MINAR1: variants seen among roughly 807,000 people sequenced by gnomAD.
The protein encoded by MINAR1 is membrane integral NOTCH2 associated receptor 1.
A neutral mutation model predicts 65.1 loss-of-function variants in MINAR1; 40 were observed. The ratio of observed to expected loss-of-function variants is 0.61; its 90% CI spans 0.48 to 0.80. The LOEUF (loss-of-function observed/expected upper bound fraction) is 0.80. Among genes scored for constraint, MINAR1 ranks in the 30% least tolerant of loss-of-function variants. The probability of loss-of-function intolerance (pLI) is 0.00; values close to 1 mark genes in which losing one functional copy is unlikely to be tolerated. For missense variants in MINAR1, 1,128 were observed against 1,148.0 expected (o/e 0.98, Z 0.25); for synonymous variants, 482 against 449.1 (o/e 1.07, Z -0.93).
chr15:79,448,599 G>A (rs115459459), intron 1 of MINAR1, among the ~76,000 whole-genome samples: 2,743 of 152,296 alleles, frequency 0.018, 66 homozygotes, highest in East Asian at 0.11. Flanking sequence ...GTGTGCTTTC[G>A]TGAGCGTGAA....
At chr15:79,467,424 C>T (rs1263798055) in intron 3 of MINAR1, among the ~76,000 whole-genome samples, 1 of 152,202 alleles carries the variant, frequency 6.6e-6, no homozygotes, top group Non-Finnish European at 1.5e-5. Flanking sequence ...TAGATTATAA[C>T]TGTCAACGTG....
At chr15:79,459,007 T>C (rs1375013909) in intron 2 of MINAR1, among the ~76,000 whole-genome samples, 1 of 151,894 alleles carries the variant, frequency 6.6e-6, no homozygotes, top group Non-Finnish European at 1.5e-5. Context: ...TGAAACCCCA[T>C]CTCTACTAAA....
the MINAR1 span, chr15:79,412,727 T>A: frequency 1.3e-5 from 2 of 152,368 alleles, no homozygotes; most frequent in Non-Finnish European, 2.9e-5. Context: ...CCTGCTGCGC[T>A]GCCACTGCCA....
the MINAR1 span, chr15:79,413,379 G>A: frequency 6.6e-6 from 1 of 152,266 alleles, no homozygotes; most frequent in Non-Finnish European, 1.5e-5. Flanking sequence ...TCATCAAGGA[G>A]TGTGCCACAT....
At position 79,468,270 on chromosome 15, in the gene MINAR1, T is replaced by C; in HGVS notation, c.2637T>C (p.Arg879=). 6.2e-7 allele frequency: 1 copy of C among 1,614,058 alleles called. No individual in the cohort carries two copies. The change falls in exon 4 of 4, where the codon CGT becomes CGC. Residue 879 remains arginine (R), a synonymous_variant. Transcript: ENST00000305428. ...YTPGYDSLLK[R]KEAEFRRAKV... ...CAGGATACGATTCATTACTAAAACG[T>C]AAAGAAGCCGAATTCAGACGAGCCA...
the MINAR1 span, chr15:79,420,683 C>T: frequency 6.6e-6 from 1 of 152,170 alleles, no homozygotes; most frequent in African/African-American, 2.4e-5. Context: ...ACAAACTCAC[C>T]TGAAAAGGAC....
upstream of MINAR1, among the ~76,000 whole-genome samples, chr15:79,429,424 A>G (rs1894389576): frequency 6.6e-6 from 1 of 152,244 alleles, no homozygotes; most frequent in South Asian, 2.1e-4. Context: ...TTCACATTCC[A>G]AACTCAAGGC....
At position 79,457,378 on chromosome 15, in the gene MINAR1, C is replaced by G. The variant is rs148542288; in HGVS notation, c.1231C>G (p.Arg411Gly). The change falls in exon 2 of 4, where the codon CGC becomes GGC. Residue 411 changes from arginine to glycine, a missense_variant. Coordinates refer to ENST00000305428, the MANE Select transcript of MINAR1 (RefSeq NM_015206.3). ...CCCCAATTTCCCAGCCCCAGAAAGG[C>G]GCCCAACTTACCTTGTGCCAAAGGA... ...QTPNFPAPER[R>G]PTYLVPKDQQ... is the part of the protein sequence containing the mutation. 5 of 1,614,050 alleles carry G rather than the reference C, an allele frequency of 3.1e-6. No homozygotes were observed. The highest frequency in any genetic ancestry group is 1.3e-5 in the African/African-American group (1 of 74,926).
intron 1 of MINAR1, among the ~76,000 whole-genome samples, chr15:79,444,400 T>C (rs1406160753): frequency 6.6e-6 from 1 of 152,202 alleles, no homozygotes; most frequent in Admixed American, 6.5e-5. Flanking sequence ...TTAGGTTTCA[T>C]TGATGGTAAT....
chr15:79,463,461 A>G lies in MINAR1; in HGVS notation c.2553+140A>G, dbSNP rs1220482931. ...CTGGGCCCCCAACATGGAATTCAGA[A>G]CTTTAATAAATCATAGAGCAGAAGA... On this transcript the variant is annotated intron_variant, in intron 3 of 3. Coordinates refer to ENST00000305428, the MANE Select transcript of MINAR1 (RefSeq NM_015206.3). The G allele has an allele frequency of 5.2e-6, 5 of 952,912 alleles. No homozygotes were observed. In the African/African-American group the frequency reaches 6.6e-5, roughly 12 times the overall value. The allele number at this position is 952,912 out of a possible 1,614,324, so 59.0% of individuals were successfully genotyped here.
intron 2 of MINAR1, among the ~76,000 whole-genome samples, chr15:79,460,776 C>T (rs191858974): frequency 6.6e-6 from 1 of 152,338 alleles, no homozygotes; most frequent in Non-Finnish European, 1.5e-5. Context: ...TGTGAATGTA[C>T]CTTTCCTCAA....
At chr15:79,424,476 C>T in the MINAR1 span, 2 of 152,230 alleles carry the variant, frequency 1.3e-5, no homozygotes, top group African/African-American at 4.8e-5. Context: ...ATTTCATTCA[C>T]AGCACTGTGG....
Position 79,457,885 on chromosome 15 carries a change from A to T in MINAR1, c.1738A>T (p.Asn580Tyr). 1 of 1,614,152 alleles carries T rather than the reference A, an allele frequency of 6.2e-7. No individual in the cohort carries two copies. Among genetic ancestry groups the T allele is most frequent in the Non-Finnish European group, 8.5e-7 (1 of 1,180,036 alleles). The change falls in exon 2 of 4, where the codon AAC becomes TAC. Residue 580 changes from asparagine to tyrosine, a missense_variant. Transcript: ENST00000305428. ...GVPNSKGDKGNRPENTHHSEE... is the reference protein window; with the variant it reads ...GVPNSKGDKGYRPENTHHSEE... Reference sequence around the variant, plus strand: ...CCCCAACAGCAAGGGAGACAAGGGCAACCGGCCTGAAAACACCCACCACTC... The same window carrying T: ...CCCCAACAGCAAGGGAGACAAGGGCTACCGGCCTGAAAACACCCACCACTC...
At chr15:79,434,035 G>A (rs550698175) in intron 1 of MINAR1, among the ~76,000 whole-genome samples, 3 of 152,282 alleles carry the variant, frequency 2.0e-5, no homozygotes, top group Non-Finnish European at 2.9e-5. Flanking sequence ...GGCTACTGGA[G>A]CCTGGAGGGA....
At chr15:79,460,991 A>G (rs908490488) in intron 2 of MINAR1, among the ~76,000 whole-genome samples, 7 of 152,082 alleles carry the variant, frequency 4.6e-5, no homozygotes, top group African/African-American at 1.7e-4. Context: ...CCTCCCCTGT[A>G]CTGATCTAAG....
At chr15:79,434,428 C>G (rs1272850182) in intron 1 of MINAR1, among the ~76,000 whole-genome samples, 1 of 152,238 alleles carries the variant, frequency 6.6e-6, no homozygotes, top group Non-Finnish European at 1.5e-5. Flanking sequence ...CTATTCACAG[C>G]AGACGCACAG....
rs76678346 is a variant in MINAR1, at chr15:79,443,637, G to T, written c.-51+11097G>T. Among the ~76,000 whole-genome samples, 277 of 152,078 alleles carry T rather than the reference G, an allele frequency of 1.8e-3. 1 individual carries two copies. The highest frequency in any genetic ancestry group is 6.3e-3 in the African/African-American group (262 of 41,464). ...CACAACTTTTTCCATGCATTCTTAA[G>T]TTTTTGAGGTTTATCTTCAAATTTA... On this transcript the variant is annotated intron_variant, in intron 1 of 3. Coordinates refer to ENST00000305428, the MANE Select transcript of MINAR1 (RefSeq NM_015206.3).
At chr15:79,430,960 G>A (rs1894421124), upstream of MINAR1, among the ~76,000 whole-genome samples, 1 of 152,238 alleles carries the variant, frequency 6.6e-6, no homozygotes, top group Admixed American at 6.5e-5. Flanking sequence ...CTTGGGACTA[G>A]CTGCAAGTTC....
chr15:79,429,947 T>C (rs936426033), upstream of MINAR1, among the ~76,000 whole-genome samples: 4 of 152,142 alleles, frequency 2.6e-5, no homozygotes, highest in Non-Finnish European at 5.9e-5. Flanking sequence ...CTGTGTCCAC[T>C]TGGGGAGGGG....
Sources: allele counts gnomAD v4.1 joint callset (sites outside exome capture counted in the v4.1 genomes callset), GRCh38; gene constraint gnomAD v4.1.1; transcripts MANE v1.5; gene names NCBI Gene and HGNC (gene_info 2026-07-23, HGNC 2026-07-21).